PACS1: variants seen among roughly 807,000 people sequenced by gnomAD.
PACS1 encodes the protein PACS-1.
A neutral mutation model predicts 115.0 loss-of-function variants in PACS1; 24 were observed. That is an observed-to-expected ratio of 0.21 (90% CI 0.15 to 0.29). The LOEUF (loss-of-function observed/expected upper bound fraction) is 0.29, where lower values mean the gene tolerates loss of function less well. Ranked by LOEUF, PACS1 falls within the 10% of genes least tolerant of loss-of-function variation. PACS1 has a pLI of 1.00. For synonymous variants in PACS1, 453 were observed against 504.5 expected (o/e 0.90, Z 1.37); for missense variants, 838 against 1,251.2 (o/e 0.67, Z 4.98).
chr11:66,221,100 G>A, intron 9 of PACS1, 54 bp from the exon 10 acceptor site: 1 of 1,518,216 alleles, frequency 6.6e-7, no homozygotes, highest in Non-Finnish European at 9.2e-7. Context: ...AACTCTCCCA[G>A]CATGCTGTTC....
intron 19 of PACS1, chr11:66,238,420 GT>G: frequency 1.2e-6 from 1 of 825,338 alleles, no homozygotes; most frequent in Non-Finnish European, 1.5e-6. Flanking sequence ...TTGCAACTAG[GT>G]TTTGTTGTTT....
chr11:66,164,837 A>G (rs935213816), intron 1 of PACS1, among the ~76,000 whole-genome samples: 2 of 151,786 alleles, frequency 1.3e-5, no homozygotes, highest in Admixed American at 6.6e-5. Context: ...TCTCTTCCCT[A>G]TATTCTCAGG....
intron 1 of PACS1, among the ~76,000 whole-genome samples, chr11:66,175,874 C>T (rs1043204188): frequency 1.6e-4 from 25 of 152,066 alleles, no homozygotes; most frequent in African/African-American, 5.8e-4. Flanking sequence ...GGGTTGATTC[C>T]GCTTTCTAAA....
chr11:66,104,097 T>A (rs551187529), intron 1 of PACS1, among the ~76,000 whole-genome samples: 10 of 152,290 alleles, frequency 6.6e-5, no homozygotes, highest in South Asian at 2.1e-4. Flanking sequence ...CTTAATTTTA[T>A]CTGATTTGCA....
chr11:66,234,328 G>A, intron 17 of PACS1, 86 bp downstream of exon 17: 2 of 860,298 alleles, frequency 2.3e-6, no homozygotes, highest in Non-Finnish European at 4.0e-6. Flanking sequence ...AGGTCATGCT[G>A]CTTTCCTCCC....
At chr11:66,222,945 A>C (rs887101228) in intron 10 of PACS1, among the ~76,000 whole-genome samples, 9 of 151,034 alleles carry the variant, frequency 6.0e-5, no homozygotes, top group Non-Finnish European at 1.2e-4. Context: ...CAGCCCAAAC[A>C]GACTCCTCCC....
At chr11:66,225,195 GC>G (rs1288946617) in intron 10 of PACS1, among the ~76,000 whole-genome samples, 3 of 152,126 alleles carry the variant, frequency 2.0e-5, no homozygotes, top group Admixed American at 6.5e-5. Context: ...ACCCACTCTT[GC>G]CCCCTTCTCT....
chr11:66,211,354 C>A, intron 4 of PACS1, 95 bp downstream of exon 4: 1 of 1,347,684 alleles, frequency 7.4e-7, no homozygotes, highest in Admixed American at 2.2e-5. Flanking sequence ...GATGATTTTC[C>A]CAGCCTGCTG....
chr11:66,076,782 A>G (rs892409286), intron 1 of PACS1, among the ~76,000 whole-genome samples: 2 of 152,226 alleles, frequency 1.3e-5, no homozygotes, highest in Non-Finnish European at 2.9e-5. Flanking sequence ...GCTTGCACCC[A>G]TGTTGTCACA....
Position 66,239,128 on chromosome 11 carries a change from T to C in PACS1, c.2294-14T>C. On this transcript the variant is annotated splice_polypyrimidine_tract_variant and intron_variant, in intron 20 of 23. Transcript: ENST00000320580. ...TCCTCTGGCCAACTGTGTTTGTCGT[T>C]TGTCCCCTGACAGGCGATGGGGACG... 6.2e-7 allele frequency: 1 copy of C among 1,614,110 alleles called. No homozygotes were observed. Among genetic ancestry groups the C allele is most frequent in the Non-Finnish European group, 8.5e-7 (1 of 1,179,996 alleles).
chr11:66,072,171 G>T (rs573146949), intron 1 of PACS1, among the ~76,000 whole-genome samples: 71 of 151,934 alleles, frequency 4.7e-4, no homozygotes, highest in African/African-American at 1.7e-3. Context: ...GACTTGATTG[G>T]TTTTTTTATT....
In PACS1 at chr11:66,184,312, CAAAAAAAAAAAAA is replaced by C. The variant is rs11309195; in HGVS notation, c.357-9160_357-9148del. On this transcript the variant is annotated intron_variant, in intron 1 of 23. Transcript: ENST00000320580. ...TGGGTGACAGAGTGAGACCCTGTCT[CAAAAAAAAAAAAA>C]AAAAAAAAAAAAAGAGATGAGAGGG... is the stretch of plus-strand genomic sequence containing the variant. Among the ~76,000 whole-genome samples, 3 of 56,054 alleles carry C rather than the reference CAAAAAAAAAAAAA, an allele frequency of 5.4e-5. No individual in the cohort carries two copies. The South Asian group carries it at 2.9e-3, about 54-fold the overall frequency. The allele number at this position is 56,054 out of a possible 152,430, so 36.8% of individuals were successfully genotyped here.
At chr11:66,086,852 A>G (rs1857578898) in intron 1 of PACS1, among the ~76,000 whole-genome samples, 1 of 151,312 alleles carries the variant, frequency 6.6e-6, no homozygotes, top group Admixed American at 6.6e-5. Flanking sequence ...CCTGACTTCA[A>G]GTGATCCACC....
In PACS1 at chr11:66,193,564, G is replaced by A. The variant is rs1854580765; in HGVS notation, c.435G>A (p.Val145=). The part of the protein sequence containing the change: ...DKDLNSVVIA[V]KLQGSKRILR... ...ATCTTAACTCAGTGGTCATCGCTGTGAAGCTGCAGGTGAGTGGGGCAGGAC... is the reference window on the plus strand; with the variant it reads ...ATCTTAACTCAGTGGTCATCGCTGTAAAGCTGCAGGTGAGTGGGGCAGGAC... The change falls in exon 2 of 24, where the codon GTG becomes GTA. Residue 145 remains valine, a synonymous_variant. Coordinates refer to ENST00000320580, the MANE Select transcript of PACS1 (RefSeq NM_018026.4). 1 of 1,612,656 alleles carries A rather than the reference G, an allele frequency of 6.2e-7. No individual in the cohort carries two copies. Among genetic ancestry groups the A allele is most frequent in the African/African-American group, 1.3e-5 (1 of 74,914 alleles).
chr11:66,161,824 C>G (rs1859492751), intron 1 of PACS1, among the ~76,000 whole-genome samples: 1 of 152,172 alleles, frequency 6.6e-6, no homozygotes, highest in Non-Finnish European at 1.5e-5. Flanking sequence ...GCATTCACAG[C>G]CTCGAGAGAT....
At chr11:66,174,314 T>C (rs1272054769) in intron 1 of PACS1, among the ~76,000 whole-genome samples, 1 of 151,720 alleles carries the variant, frequency 6.6e-6, no homozygotes, top group Non-Finnish European at 1.5e-5. Context: ...CCCTCATACA[T>C]TGCTGGTAGG....
chr11:66,157,362 T>C (rs1301597398), intron 1 of PACS1, among the ~76,000 whole-genome samples: 1 of 152,200 alleles, frequency 6.6e-6, no homozygotes, highest in African/African-American at 2.4e-5. Context: ...TTCAACTTCA[T>C]CTGCTCCACT....
At chr11:66,103,932 TC>T (rs1171463070) in intron 1 of PACS1, among the ~76,000 whole-genome samples, 3 of 136,182 alleles carry the variant, frequency 2.2e-5, no homozygotes, top group African/African-American at 8.2e-5. Flanking sequence ...CCCCATCCCC[TC>T]CCCCCACTCC....
At position 66,230,162 on chromosome 11, in the gene PACS1, A is replaced by G. The variant is rs909524053; in HGVS notation, c.1375-386A>G. On this transcript the variant is annotated intron_variant, in intron 11 of 23. Coordinates refer to ENST00000320580, the MANE Select transcript of PACS1 (RefSeq NM_018026.4). ...AAAAAAAAAAAAAAAAAGAAAAAAA[A>G]AAAAGGAATGGGGCTATGGCCCTCC... Among the ~76,000 whole-genome samples the G allele has an allele frequency of 1.3e-4, 19 of 151,736 alleles. No individual in the cohort carries two copies. In the East Asian group the frequency reaches 1.7e-3, roughly 14 times the overall value.
Sources: allele counts gnomAD v4.1 joint callset (sites outside exome capture counted in the v4.1 genomes callset), GRCh38; gene constraint gnomAD v4.1.1; transcripts MANE v1.5; gene names NCBI Gene and HGNC (gene_info 2026-07-23, HGNC 2026-07-21).